RALY: variants seen among roughly 807,000 people sequenced by gnomAD.
RALY encodes the protein RALY heterogeneous nuclear ribonucleoprotein.
Under a neutral mutation model 30.7 loss-of-function variants are expected in RALY, and 15 were observed. The observed-to-expected ratio is 0.49, with a 90% CI of 0.33 to 0.75. The LOEUF (loss-of-function observed/expected upper bound fraction) is 0.75. Ranked by LOEUF, RALY falls within the 30% of genes least tolerant of loss-of-function variation. RALY has a pLI of 0.02. For synonymous variants in RALY, 177 were observed against 170.8 expected, an observed-to-expected ratio of 1.04 and a Z score of -0.28; for missense variants, 339 against 414.3, an observed-to-expected ratio of 0.82 and a Z score of 1.58.
At chr20:34,058,096 C>G (rs144595987) in intron 2 of RALY, among the ~76,000 whole-genome samples, 1 of 151,632 alleles carries the variant, frequency 6.6e-6, no homozygotes, top group Admixed American at 6.6e-5. Flanking sequence ...GGAAGGGGGC[C>G]GGGAAGGGTT....
intron 3 of RALY, among the ~76,000 whole-genome samples, chr20:34,072,889 TGTG>T (rs2072191993): frequency 6.6e-6 from 1 of 152,064 alleles, no homozygotes; most frequent in African/African-American, 2.4e-5. Flanking sequence ...TGACTGAACA[TGTG>T]GAGATATGTG....
chr20:34,024,416 C>T (rs554190274), intron 1 of RALY, among the ~76,000 whole-genome samples: 1 of 152,326 alleles, frequency 6.6e-6, no homozygotes, highest in South Asian at 2.1e-4. Context: ...GAGGGGAAAA[C>T]TAGAGATAGC....
At chr20:34,035,175 A>AAAAAC (rs1568669720) in intron 2 of RALY, among the ~76,000 whole-genome samples, 24 of 138,786 alleles carry the variant, frequency 1.7e-4, no homozygotes, top group Non-Finnish European at 3.4e-4. Context: ...AAAAAAAAAA[A>AAAAAC]AAAAAAAAAA....
intron 2 of RALY, among the ~76,000 whole-genome samples, chr20:34,070,508 A>G (rs1352626573): frequency 1.3e-5 from 2 of 152,252 alleles, no homozygotes; most frequent in African/African-American, 4.8e-5. Context: ...ACAAAATTTG[A>G]ACGAGTTAGT....
intron 2 of RALY, 113 bp downstream of exon 2, chr20:34,031,717 C>G (rs1187137573): frequency 1.3e-5 from 2 of 152,218 alleles, no homozygotes; most frequent in Non-Finnish European, 2.9e-5. Flanking sequence ...GATTATCTTC[C>G]TACTCCATGT....
chr20:34,076,733 G>A lies in RALY; in HGVS notation c.576G>A (p.Thr192=), dbSNP rs756207528. The change falls in exon 7 of 10, where the codon ACG becomes ACA. Residue 192 remains threonine, a synonymous_variant. Coordinates refer to ENST00000246194, the MANE Select transcript of RALY (RefSeq NM_016732.3). The part of the protein sequence containing the change: ...LKSSELQAIK[T]ELTQIKSNID... ...GCAGTGAGCTGCAGGCCATCAAGAC[G>A]GAGCTGACACAGATCAAGTCCAATA... 9 of 1,613,974 alleles carry A rather than the reference G, an allele frequency of 5.6e-6. No individual in the cohort carries two copies. The highest frequency in any genetic ancestry group is 4.0e-5 in the African/African-American group (3 of 74,922).
chr20:34,012,215 A>G lies in RALY; in HGVS notation c.-93+18084A>G, dbSNP rs113771498. On this transcript the variant is annotated intron_variant, in intron 1 of 9. Transcript: ENST00000246194. ...TGCCATAGCCTGAGGTGGTTGGGAGAGCTGGGCTAAGGCTTCTTGGTGCAG... is the reference window on the plus strand; with the variant it reads ...TGCCATAGCCTGAGGTGGTTGGGAGGGCTGGGCTAAGGCTTCTTGGTGCAG... Among the ~76,000 whole-genome samples, 1,064 of 152,064 alleles carry G rather than the reference A, an allele frequency of 7.0e-3. 13 individuals are homozygous for G. The highest frequency in any genetic ancestry group is 0.024 in the African/African-American group (986 of 41,468).
chr20:34,072,929 AGTGT>A (rs3835232), intron 3 of RALY, among the ~76,000 whole-genome samples: 81,135 of 148,982 alleles, frequency 0.54, 23,797 homozygotes, highest in East Asian at 0.72. Context: ...GTATAGATGT[AGTGT>A]GTGTGTGTGT....
chr20:34,009,524 C>T (rs1481721720), intron 1 of RALY, among the ~76,000 whole-genome samples: 2 of 152,100 alleles, frequency 1.3e-5, no homozygotes. Context: ...GTGTGAGCCA[C>T]CACGCCCCAG....
intron 1 of RALY, among the ~76,000 whole-genome samples, chr20:34,022,882 C>T (rs2031881236): frequency 6.6e-6 from 1 of 152,124 alleles, no homozygotes; most frequent in Non-Finnish European, 1.5e-5. Flanking sequence ...CATTTTTTCC[C>T]CCAAAGTTCC....
At chr20:33,994,322 GC>G in intron 1 of RALY, 191 bp downstream of exon 1, 1 of 152,852 alleles carries the variant, frequency 6.5e-6, no homozygotes, top group Non-Finnish European at 1.5e-5. Flanking sequence ...CGGACCCGCC[GC>G]CCCGGGTCCC....
intron 2 of RALY, among the ~76,000 whole-genome samples, chr20:34,061,179 G>A (rs2268087): frequency 6.6e-6 from 1 of 152,128 alleles, no homozygotes; most frequent in East Asian, 1.9e-4. Context: ...CTTCAGGAAA[G>A]TGGTTCCAGC....
At chr20:34,012,164 C>A (rs1268023083) in intron 1 of RALY, among the ~76,000 whole-genome samples, 2 of 152,072 alleles carry the variant, frequency 1.3e-5, no homozygotes, top group South Asian at 4.2e-4. Flanking sequence ...GCCTCACACA[C>A]TCTTGGGCCA....
At chr20:34,077,623 T>C (rs1486978433) in intron 8 of RALY, 2 of 335,728 alleles carry the variant, frequency 6.0e-6, no homozygotes, top group Non-Finnish European at 1.1e-5. Context: ...CTAAAAGCCA[T>C]TGCTGCTTAA....
chr20:34,033,577 C>CTCT (rs2032366376), intron 2 of RALY, among the ~76,000 whole-genome samples: 1 of 152,128 alleles, frequency 6.6e-6, no homozygotes, highest in Non-Finnish European at 1.5e-5. Context: ...TAACAACCAT[C>CTCT]TCTTACTGGA....
In RALY at chr20:34,081,487, G is replaced by A. The variant is rs1336895004; in HGVS notation, c.*1582G>A. On this transcript the variant is annotated 3_prime_UTR_variant, in exon 10 of 10. Coordinates refer to ENST00000246194, the MANE Select transcript of RALY (RefSeq NM_016732.3). ...AAAATTCAATCCCATCATCAAAAAG[G>A]GCTTTAGGTTTTCCCTCCATCTTTA... is the stretch of plus-strand genomic sequence containing the variant. 1.3e-5 allele frequency: 2 copies of A among 152,152 alleles called. No individual in the cohort carries two copies. Among genetic ancestry groups the A allele is most frequent in the Admixed American group, 6.6e-5 (1 of 15,264 alleles). The allele number at this position is 152,152 out of a possible 1,614,324, so 9.4% of individuals were successfully genotyped here.
chr20:34,023,971 C>T (rs1435600484), intron 1 of RALY, among the ~76,000 whole-genome samples: 4 of 151,990 alleles, frequency 2.6e-5, no homozygotes, highest in Admixed American at 2.0e-4. Flanking sequence ...GAGTCCAAGG[C>T]GGGCGGATCA....
At chr20:34,003,422 G>A (rs890598877) in intron 1 of RALY, among the ~76,000 whole-genome samples, 1 of 152,094 alleles carries the variant, frequency 6.6e-6, no homozygotes, top group African/African-American at 2.4e-5. Context: ...CTTAAGAGGG[G>A]AGATCGATCT....
chr20:34,076,210 T>C (rs1162234672), intron 6 of RALY, 170 bp downstream of exon 6: 3 of 895,062 alleles, frequency 3.4e-6, no homozygotes, highest in Non-Finnish European at 5.0e-6. Context: ...CAGCTGATGT[T>C]TTAGGAGGAG....
Sources: allele counts gnomAD v4.1 joint callset (sites outside exome capture counted in the v4.1 genomes callset), GRCh38; gene constraint gnomAD v4.1.1; transcripts MANE v1.5; gene names NCBI Gene and HGNC (gene_info 2026-07-23, HGNC 2026-07-21).